Variants in TMEM40 observed in about 807,000 individuals in gnomAD.
The protein encoded by TMEM40 is transmembrane protein 40.
Under a neutral mutation model 40.8 loss-of-function variants are expected in TMEM40, and 34 were observed. The observed-to-expected ratio is 0.83, with a 90% CI of 0.63 to 1.11. TMEM40 has a LOEUF of 1.11. Ranked by LOEUF, TMEM40 falls within the 50% of genes least tolerant of loss-of-function variation. The pLI is 0.00. For missense variants in TMEM40, 296 were observed against 280.2 expected (o/e 1.06, Z -0.40); for synonymous variants, 106 against 107.0 (o/e 0.99, Z 0.06).
At chr3:12,765,944 C>T (rs147428855) in intron 1 of TMEM40, among the ~76,000 whole-genome samples, 2 of 152,234 alleles carry the variant, frequency 1.3e-5, no homozygotes, top group East Asian at 3.9e-4. Context: ...GCAACCTCCA[C>T]CTCCCGCGTT....
chr3:12,743,861 C>G (rs373293279), intron 4 of TMEM40, 39 bp downstream of exon 4: 2 of 1,586,142 alleles, frequency 1.3e-6, no homozygotes, highest in Non-Finnish European at 1.7e-6. Context: ...CAACGGTGAG[C>G]GAGTGGGCAA....
chr3:12,755,170 TTC>T (rs1175496952), intron 1 of TMEM40, among the ~76,000 whole-genome samples: 16 of 148,324 alleles, frequency 1.1e-4, no homozygotes, highest in East Asian at 7.8e-4. Context: ...CTTTCTTTCT[TTC>T]TCTCTCTCTC....
chr3:12,761,963 A>G (rs1354737775), upstream of TMEM40, among the ~76,000 whole-genome samples: 3 of 152,084 alleles, frequency 2.0e-5, no homozygotes, highest in Non-Finnish European at 4.4e-5. Context: ...TGATATTTGG[A>G]TATATTATTA....
intron 3 of TMEM40, among the ~76,000 whole-genome samples, chr3:12,747,877 C>T (rs887223492): frequency 7.3e-6 from 1 of 136,130 alleles, no homozygotes; most frequent in Admixed American, 8.1e-5. Flanking sequence ...CGCCGCTGCA[C>T]TCTAGCCTGG....
At chr3:12,751,556 G>C (rs972642618) in intron 1 of TMEM40, among the ~76,000 whole-genome samples, 2 of 152,148 alleles carry the variant, frequency 1.3e-5, no homozygotes, top group African/African-American at 4.8e-5. Context: ...GGGATTACAG[G>C]CGTGAGCCAC....
intron 1 of TMEM40, among the ~76,000 whole-genome samples, chr3:12,765,211 G>T (rs953768023): frequency 1.3e-5 from 2 of 152,132 alleles, no homozygotes; most frequent in Admixed American, 1.3e-4. Context: ...GTCAATCCTA[G>T]CTCATTCTGA....
chr3:12,739,068 GCT>G, intron 5 of TMEM40: 2 of 160,164 alleles, frequency 1.2e-5, no homozygotes, highest in Non-Finnish European at 2.8e-5. Context: ...CAGGATAATC[GCT>G]CAAACCCAGG....
chr3:12,756,336 C>A (rs1389274421), intron 1 of TMEM40, among the ~76,000 whole-genome samples: 3 of 152,114 alleles, frequency 2.0e-5, no homozygotes, highest in Non-Finnish European at 1.5e-5. Context: ...CATATCTATG[C>A]ATATGTATAT....
At chr3:12,758,476 T>C (rs1181986549) in intron 1 of TMEM40, among the ~76,000 whole-genome samples, 1 of 151,752 alleles carries the variant, frequency 6.6e-6, no homozygotes, top group African/African-American at 2.4e-5. Context: ...AGGACAAGGA[T>C]GACAGCCTAC....
intron 2 of TMEM40, 75 bp downstream of exon 2, chr3:12,749,685 T>G (rs2061457893): frequency 1.4e-6 from 2 of 1,387,700 alleles, no homozygotes; most frequent in East Asian, 2.3e-5. Context: ...GAGCAGGGTC[T>G]TCTTCTGTCC....
At chr3:12,745,915 T>TG (rs1341187848) in intron 3 of TMEM40, among the ~76,000 whole-genome samples, 9 of 150,370 alleles carry the variant, frequency 6.0e-5, no homozygotes, top group African/African-American at 2.0e-4. Flanking sequence ...TTTTTTTTTT[T>TG]GAAACGGAGT....
At chr3:12,735,507 C>T in intron 11 of TMEM40, 48 bp downstream of exon 11, 1 of 1,577,886 alleles carries the variant, frequency 6.3e-7, no homozygotes, top group Non-Finnish European at 8.7e-7. Context: ...TAAATGAAGA[C>T]CCTGCTAGGG....
intron 1 of TMEM40, chr3:12,769,216 A>T (rs1195114538): frequency 2.6e-6 from 1 of 382,400 alleles, no homozygotes; most frequent in Non-Finnish European, 5.5e-6. Context: ...TGCTGCGTGC[A>T]GCCCCGGTTC....
chr3:12,749,755 C>A lies in TMEM40; in HGVS notation c.73+5G>T, dbSNP rs149474579. ...TGCCCAGAGGGTCAGAGAAGGCAAA[C>A]GTACAGTCTACATCTTCTGTTTCTC... On this transcript the variant is annotated splice_donor_5th_base_variant and intron_variant, in intron 2 of 11. Transcript: ENST00000314124. The A allele has an allele frequency of 3.1e-6, 5 of 1,613,158 alleles. No homozygotes were observed. Among genetic ancestry groups the A allele is most frequent in the Non-Finnish European group, 4.2e-6 (5 of 1,179,800 alleles).
intron 6 of TMEM40, 146 bp from the exon 7 acceptor site, chr3:12,738,314 G>A: frequency 2.9e-6 from 3 of 1,045,350 alleles, no homozygotes; most frequent in Admixed American, 2.1e-5. Flanking sequence ...TCTATTGATG[G>A]CTGGTTGGTT....
intron 1 of TMEM40, among the ~76,000 whole-genome samples, chr3:12,767,983 A>G (rs1017224270): frequency 3.3e-5 from 5 of 152,276 alleles, no homozygotes; most frequent in African/African-American, 1.2e-4. Flanking sequence ...TCAGCCAGAG[A>G]CCACAGTGTG....
chr3:12,749,691 TG>T, intron 2 of TMEM40, 68 bp downstream of exon 2: 1 of 1,431,318 alleles, frequency 7.0e-7, no homozygotes, highest in Non-Finnish European at 9.7e-7. Context: ...GGTCTTCTTC[TG>T]TCCCTTCTAC....
At chr3:12,757,842 C>G (rs1336308946) in intron 1 of TMEM40, among the ~76,000 whole-genome samples, 1 of 152,136 alleles carries the variant, frequency 6.6e-6, no homozygotes, top group Non-Finnish European at 1.5e-5. Context: ...GCTGGAATTA[C>G]AGGTGCGCAT....
intron 3 of TMEM40, among the ~76,000 whole-genome samples, chr3:12,745,933 T>C (rs1401741362): frequency 6.6e-6 from 1 of 151,984 alleles, no homozygotes; most frequent in East Asian, 1.9e-4. Context: ...AGTCTCACTC[T>C]GTCACCCAGG....
Sources: gnomAD v4.1 joint callset for allele counts (sites outside exome capture counted in the v4.1 genomes callset) on GRCh38, gnomAD v4.1.1 for gene constraint, MANE v1.5 for transcripts, NCBI Gene and HGNC (gene_info 2026-07-23, HGNC 2026-07-21) for gene names.